The following LGR4 variants were observed in gnomAD, a reference collection of about 807,000 sequenced individuals.
LGR4 encodes leucine rich repeat containing G protein-coupled receptor 4, also known as leucine-rich repeat-containing G protein-coupled receptor 4.
Under a neutral mutation model 84.8 loss-of-function variants are expected in LGR4, and 44 were observed. The ratio of observed to expected loss-of-function variants is 0.52; its 90% confidence interval spans 0.41 to 0.67. LGR4 has a LOEUF of 0.67. Ranked by LOEUF, LGR4 falls within the 30% of genes least tolerant of loss-of-function variation. LGR4 has a pLI of 0.00. For synonymous variants in LGR4, 429 were observed against 434.3 expected (o/e 0.99, Z 0.15); for missense variants, 1,032 against 1,131.4 (o/e 0.91, Z 1.26).
chr11:27,416,780 C>T (rs773670442), intron 1 of LGR4, among the ~76,000 whole-genome samples: 1 of 152,154 alleles, frequency 6.6e-6, no homozygotes, highest in African/African-American at 2.4e-5. Context: ...TACCAGCAGT[C>T]ATTGATTTCA....
At chr11:27,427,784 C>G (rs1047500924) in intron 1 of LGR4, among the ~76,000 whole-genome samples, 3 of 152,172 alleles carry the variant, frequency 2.0e-5, no homozygotes, top group African/African-American at 7.2e-5. Context: ...AGTTACTATT[C>G]AGGAAGTTAC....
At chr11:27,378,491 T>G (rs1863031639) in intron 11 of LGR4, among the ~76,000 whole-genome samples, 1 of 152,178 alleles carries the variant, frequency 6.6e-6, no homozygotes, top group Non-Finnish European at 1.5e-5. Context: ...AAGTCACAAG[T>G]ATATGATATA....
chr11:27,399,763 C>A (rs937628015), intron 2 of LGR4, among the ~76,000 whole-genome samples: 3 of 152,312 alleles, frequency 2.0e-5, no homozygotes, highest in African/African-American at 7.2e-5. Flanking sequence ...AGGTGATCCA[C>A]CTGCCTCGGC....
intron 1 of LGR4, among the ~76,000 whole-genome samples, chr11:27,460,095 A>G (rs1372578177): frequency 6.6e-6 from 1 of 152,108 alleles, no homozygotes; most frequent in Non-Finnish European, 1.5e-5. Context: ...GTCTCAAAAA[A>G]AAGAATAAGA....
intron 17 of LGR4, among the ~76,000 whole-genome samples, chr11:27,369,621 C>T (rs1862844002): frequency 6.6e-6 from 1 of 152,136 alleles, no homozygotes; most frequent in African/African-American, 2.4e-5. Flanking sequence ...TACAGTTGTG[C>T]AGCTTAAGTA....
chr11:27,367,745 C>A lies in LGR4; in HGVS notation c.*122G>T. ...TTTGAGAAATAAACTGCCACCTCTCCTTCTTCTAAGTGACACCAGGCAGTG... is the reference window on the plus strand; with the variant it reads ...TTTGAGAAATAAACTGCCACCTCTCATTCTTCTAAGTGACACCAGGCAGTG... On this transcript the variant is annotated 3_prime_UTR_variant, in exon 18 of 18. Transcript: ENST00000379214. 1 of 675,832 alleles carries A rather than the reference C, an allele frequency of 1.5e-6. No homozygotes were observed. The highest frequency in any genetic ancestry group is 2.4e-6 in the Non-Finnish European group (1 of 409,344). The allele number at this position is 675,832 out of a possible 1,614,324, so 41.9% of individuals were successfully genotyped here. A position where few individuals can be genotyped will look rare whatever the true frequency, so the allele number is the denominator to read the frequency against.
intron 2 of LGR4, among the ~76,000 whole-genome samples, chr11:27,412,438 G>A (rs1382248492): frequency 6.6e-6 from 1 of 152,182 alleles, no homozygotes; most frequent in Non-Finnish European, 1.5e-5. Flanking sequence ...TACCCATATA[G>A]CAACTCCTTG....
At chr11:27,379,694 C>T (rs1011496117) in intron 10 of LGR4, among the ~76,000 whole-genome samples, 1 of 152,212 alleles carries the variant, frequency 6.6e-6, no homozygotes, top group African/African-American at 2.4e-5. Flanking sequence ...CACCTGTAAA[C>T]TCATGCACAG....
chr11:27,378,084 C>T (rs1205368701), intron 11 of LGR4, among the ~76,000 whole-genome samples: 2 of 152,106 alleles, frequency 1.3e-5, no homozygotes, highest in African/African-American at 2.4e-5. Flanking sequence ...CTATGATTTT[C>T]ACACAATGAC....
At chr11:27,439,586 T>C (rs904925934) in intron 1 of LGR4, among the ~76,000 whole-genome samples, 2 of 152,204 alleles carry the variant, frequency 1.3e-5, no homozygotes, top group Non-Finnish European at 2.9e-5. Flanking sequence ...GGGGAATACA[T>C]ATACCCAGGA....
chr11:27,417,153 T>G (rs566388217), intron 1 of LGR4, among the ~76,000 whole-genome samples: 3 of 152,172 alleles, frequency 2.0e-5, no homozygotes, highest in Non-Finnish European at 4.4e-5. Context: ...TACTACTATA[T>G]TGTTAATTTT....
chr11:27,403,872 T>G (rs915589715), intron 2 of LGR4, among the ~76,000 whole-genome samples: 1 of 152,218 alleles, frequency 6.6e-6, no homozygotes, highest in Admixed American at 6.5e-5. Context: ...GTATCTGTGA[T>G]ACAAATATTC....
chr11:27,392,482 TG>T lies in LGR4; in HGVS notation c.293del (p.Pro98GlnfsTer7). Reference protein sequence around the residue: ...LAGNDLSFIHPKALSGLKELK... With the variant: ...LAGNDLSFIHXKALSGLKELK... ...GTTCTTTCAACCCAGACAAGGCCTTTGGGTGGATAAAAGAAAGGTCGTTGCC... is the reference window on the plus strand; with the variant it reads ...GTTCTTTCAACCCAGACAAGGCCTTTGGTGGATAAAAGAAAGGTCGTTGCC... On this transcript the variant is annotated frameshift_variant, in exon 3 of 18. Transcript: ENST00000379214. LOFTEE classifies it high-confidence loss of function. 6.3e-7 allele frequency: 1 copy of T among 1,590,204 alleles called. No homozygotes were observed. The highest frequency in any genetic ancestry group is 8.5e-7 in the Non-Finnish European group (1 of 1,171,662).
At position 27,368,776 on chromosome 11, in the gene LGR4, A is replaced by C; in HGVS notation, c.1947T>G (p.Asp649Glu). ...GATTGCTCTTCCCATTTTTCATTAT[A>C]TCTTTTGCAGATAAGCTTCTTTCGA... is the stretch of plus-strand genomic sequence containing the variant. ...ATVERSLSAK[D>E]IMKNGKSNHL... The change falls in exon 18 of 18, where the codon GAT becomes GAG. Residue 649 changes from aspartate (D) to glutamate (E), a missense_variant. Physicochemically the swap from Asp to Glu is conservative, Grantham distance 45. Coordinates refer to ENST00000379214, the MANE Select transcript of LGR4 (RefSeq NM_018490.5). 2 of 1,613,980 alleles carry C rather than the reference A, an allele frequency of 1.2e-6. No homozygotes were observed. The highest frequency in any genetic ancestry group is 1.7e-4 in the Middle Eastern group (1 of 6,058).
At chr11:27,446,106 T>A (rs1344090180) in intron 1 of LGR4, among the ~76,000 whole-genome samples, 1 of 152,212 alleles carries the variant, frequency 6.6e-6, no homozygotes, top group East Asian at 1.9e-4. Flanking sequence ...GATTCCTGCC[T>A]ATAGAGAGCT....
intron 6 of LGR4, among the ~76,000 whole-genome samples, chr11:27,382,987 A>T (rs1863125758): frequency 6.6e-6 from 1 of 152,228 alleles, no homozygotes; most frequent in Admixed American, 6.5e-5. Context: ...ACTGCACTCC[A>T]GCCTGGTGAC....
chr11:27,452,096 T>C (rs1446233129), intron 1 of LGR4, among the ~76,000 whole-genome samples: 1 of 152,116 alleles, frequency 6.6e-6, no homozygotes, highest in African/African-American at 2.4e-5. Flanking sequence ...AAAATAATGT[T>C]GATGTGAAAG....
intron 1 of LGR4, among the ~76,000 whole-genome samples, chr11:27,437,561 G>T (rs1319144492): frequency 6.6e-6 from 1 of 152,034 alleles, no homozygotes; most frequent in African/African-American, 2.4e-5. Context: ...ACAGGGACTA[G>T]ATCCGTCCTT....
chr11:27,393,943 G>GGGGC (rs1863334124), intron 2 of LGR4, among the ~76,000 whole-genome samples: 1 of 128,026 alleles, frequency 7.8e-6, no homozygotes, highest in Non-Finnish European at 1.6e-5. Flanking sequence ...GAAGATTGGG[G>GGGGC]GGGGGGGGGG....
Sources: allele counts gnomAD v4.1 joint callset (sites outside exome capture counted in the v4.1 genomes callset), GRCh38; gene constraint gnomAD v4.1.1; transcripts MANE v1.5; gene names NCBI Gene and HGNC (gene_info 2026-07-23, HGNC 2026-07-21).